The following KCND2 variants were observed in gnomAD, a reference collection of about 807,000 sequenced individuals.
KCND2 encodes A-type voltage-gated potassium channel KCND2.
KCND2 carries 16 observed loss-of-function variants against 54.4 expected under a neutral mutation model. The observed-to-expected ratio is 0.29, with a 90% CI of 0.20 to 0.45. The LOEUF is 0.45. Ranked by LOEUF, KCND2 falls within the 20% of genes least tolerant of loss-of-function variation. KCND2 has a pLI of 1.00. For missense variants in KCND2, 486 were observed against 824.2 expected (o/e 0.59, Z 5.02); for synonymous variants, 317 against 310.7 (o/e 1.02, Z -0.21).
chr7:120,393,287 T>C (rs1342681196), intron 1 of KCND2, among the ~76,000 whole-genome samples: 1 of 152,030 alleles, frequency 6.6e-6, no homozygotes, highest in Non-Finnish European at 1.5e-5. Context: ...ATCGTACCAA[T>C]ATGTATATTG....
At chr7:120,486,955 A>T (rs1018906800) in intron 1 of KCND2, among the ~76,000 whole-genome samples, 4 of 152,176 alleles carry the variant, frequency 2.6e-5, no homozygotes, top group African/African-American at 9.6e-5. Context: ...GCTGCCACGG[A>T]ACAATTTCAG....
intron 1 of KCND2, among the ~76,000 whole-genome samples, chr7:120,404,169 C>T (rs1801314248): frequency 6.6e-6 from 1 of 152,110 alleles, no homozygotes; most frequent in African/African-American, 2.4e-5. Flanking sequence ...GGTAACTTAA[C>T]AGTATCTGTA....
In KCND2 at chr7:120,598,234, G is replaced by A. The variant is rs554855396; in HGVS notation, c.1116-134669G>A. ...ATCATTTATTTTTGTGTAAAAAATCGGTAGCATCAGTGGGAATATTAGCTC... is the reference window on the plus strand; with the variant it reads ...ATCATTTATTTTTGTGTAAAAAATCAGTAGCATCAGTGGGAATATTAGCTC... On this transcript the variant is annotated intron_variant, in intron 1 of 5. Transcript: ENST00000331113. Among the ~76,000 whole-genome samples, 5 of 152,000 alleles carry A rather than the reference G, an allele frequency of 3.3e-5. 1 individual carries two copies. The highest frequency in any genetic ancestry group is 2.6e-4 in the Admixed American group (4 of 15,260).
chr7:120,617,406 A>G (rs1318897713), intron 1 of KCND2, among the ~76,000 whole-genome samples: 2 of 152,200 alleles, frequency 1.3e-5, no homozygotes, highest in Non-Finnish European at 2.9e-5. Context: ...AACATCACTA[A>G]TCATTAGAGA....
chr7:120,654,778 T>C (rs2116550517), intron 1 of KCND2, among the ~76,000 whole-genome samples: 1 of 152,208 alleles, frequency 6.6e-6, no homozygotes, highest in Middle Eastern at 3.4e-3. Flanking sequence ...ACATAATCAT[T>C]AGTGGATGGA....
intron 1 of KCND2, among the ~76,000 whole-genome samples, chr7:120,434,103 G>C (rs1004869949): frequency 7.9e-5 from 12 of 152,064 alleles, no homozygotes; most frequent in Non-Finnish European, 1.5e-4. Flanking sequence ...ACCTCAATGA[G>C]CCAAATCCAA....
chr7:120,412,780 A>G (rs1014330855), intron 1 of KCND2, among the ~76,000 whole-genome samples: 1 of 152,040 alleles, frequency 6.6e-6, no homozygotes, highest in Admixed American at 6.6e-5. Flanking sequence ...AAATTTCATC[A>G]GTTTTGCTTT....
At chr7:120,286,448 T>G (rs1400256051) in intron 1 of KCND2, among the ~76,000 whole-genome samples, 1 of 151,992 alleles carries the variant, frequency 6.6e-6, no homozygotes, top group East Asian at 1.9e-4. Context: ...AAAGCCATTT[T>G]AAATTTCACT....
chr7:120,515,796 C>A (rs1803187733), intron 1 of KCND2, among the ~76,000 whole-genome samples: 1 of 152,054 alleles, frequency 6.6e-6, no homozygotes, highest in African/African-American at 2.4e-5. Flanking sequence ...GAGCAGGAAG[C>A]CAAACGTTGA....
intron 1 of KCND2, among the ~76,000 whole-genome samples, chr7:120,648,811 G>A (rs1331033035): frequency 6.6e-6 from 1 of 152,162 alleles, no homozygotes; most frequent in Admixed American, 6.5e-5. Flanking sequence ...AACTGAAATA[G>A]CATTTCATCT....
chr7:120,566,343 C>T (rs896725515), intron 1 of KCND2, among the ~76,000 whole-genome samples: 1 of 150,850 alleles, frequency 6.6e-6, no homozygotes, highest in African/African-American at 2.4e-5. Context: ...GATATTTTGC[C>T]TTTTTTTTTC....
At chr7:120,722,598 A>G (rs2116109361) in intron 1 of KCND2, among the ~76,000 whole-genome samples, 1 of 152,314 alleles carries the variant, frequency 6.6e-6, no homozygotes, top group African/African-American at 2.4e-5. Flanking sequence ...TAGAAATAAA[A>G]TATGTATTAG....
chr7:120,736,774 T>C (rs188761234), intron 2 of KCND2, among the ~76,000 whole-genome samples: 69 of 152,024 alleles, frequency 4.5e-4, no homozygotes, highest in African/African-American at 1.3e-3. Context: ...TACAGATAAC[T>C]TGCTCATGCT....
chr7:120,733,861 T>C (rs1792839067), intron 2 of KCND2, among the ~76,000 whole-genome samples: 1 of 152,162 alleles, frequency 6.6e-6, no homozygotes, highest in Admixed American at 6.6e-5. Flanking sequence ...TACAAGTATA[T>C]GTAAATTTAT....
chr7:120,351,242 G>GTATA (rs974625104), intron 1 of KCND2, among the ~76,000 whole-genome samples: 11 of 47,512 alleles, frequency 2.3e-4, no homozygotes, highest in East Asian at 2.1e-3. Context: ...ATTTATATGT[G>GTATA]TGTATATATA....
intron 1 of KCND2, among the ~76,000 whole-genome samples, chr7:120,725,926 A>G (rs1792728567): frequency 6.6e-6 from 1 of 152,060 alleles, no homozygotes; most frequent in Non-Finnish European, 1.5e-5. Context: ...AAGTTCATAG[A>G]CTCCGAGGTA....
chr7:120,306,067 C>T (rs1161065835), intron 1 of KCND2, among the ~76,000 whole-genome samples: 1 of 152,116 alleles, frequency 6.6e-6, no homozygotes, highest in Non-Finnish European at 1.5e-5. Flanking sequence ...AGTGGACATA[C>T]AGTCAGTTGT....
chr7:120,398,885 A>G (rs973645647), intron 1 of KCND2, among the ~76,000 whole-genome samples: 1 of 152,086 alleles, frequency 6.6e-6, no homozygotes, highest in African/African-American at 2.4e-5. Context: ...AGAGTAGGTC[A>G]TAGGATAGAG....
chr7:120,334,540 T>A (rs1186215688), intron 1 of KCND2, among the ~76,000 whole-genome samples: 1 of 152,162 alleles, frequency 6.6e-6, no homozygotes, highest in Non-Finnish European at 1.5e-5. Flanking sequence ...AGGTCAGAAA[T>A]AAAAATTACT....
Sources: allele counts gnomAD v4.1 joint callset (sites outside exome capture counted in the v4.1 genomes callset), GRCh38; gene constraint gnomAD v4.1.1; transcripts MANE v1.5; gene names NCBI Gene and HGNC (gene_info 2026-07-23, HGNC 2026-07-21).